ESYT2: variants seen among roughly 807,000 people sequenced by gnomAD.
ESYT2 encodes the protein extended synaptotagmin 2.
Under a neutral mutation model 107.2 loss-of-function variants are expected in ESYT2, and 54 were observed. The observed-to-expected ratio is 0.50, with a 90% CI of 0.40 to 0.63. The LOEUF is 0.63. Ranked by LOEUF, ESYT2 falls within the 30% of genes least tolerant of loss-of-function variation. The pLI is 0.00. For missense variants in ESYT2, 1,020 were observed against 1,094.5 expected (o/e 0.93, Z 0.96); for synonymous variants, 491 against 434.1 (o/e 1.13, Z -1.63).
At chr7:158,758,905 C>A (rs1837861860) in intron 13 of ESYT2, among the ~76,000 whole-genome samples, 1 of 152,200 alleles carries the variant, frequency 6.6e-6, no homozygotes, top group Non-Finnish European at 1.5e-5. Flanking sequence ...ATGAACAATT[C>A]TGATACAAAC....
intron 1 of ESYT2, among the ~76,000 whole-genome samples, chr7:158,814,929 C>T (rs1472785891): frequency 1.3e-5 from 2 of 149,204 alleles, no homozygotes; most frequent in Non-Finnish European, 2.9e-5. Flanking sequence ...TCCTCCCCTA[C>T]TGCCATCAAG....
intron 10 of ESYT2, among the ~76,000 whole-genome samples, chr7:158,762,233 C>T (rs747873565): frequency 6.6e-6 from 1 of 152,146 alleles, no homozygotes; most frequent in African/African-American, 2.4e-5. Context: ...TCTATGTCTA[C>T]ACCGCCTTCT....
chr7:158,787,130 G>A (rs1839140427), intron 6 of ESYT2, among the ~76,000 whole-genome samples: 1 of 152,156 alleles, frequency 6.6e-6, no homozygotes, highest in Non-Finnish European at 1.5e-5. Flanking sequence ...GGCTGCAGGA[G>A]CCCAGGGAAG....
chr7:158,770,755 T>G (rs905407398), intron 7 of ESYT2, among the ~76,000 whole-genome samples: 3 of 152,118 alleles, frequency 2.0e-5, no homozygotes, highest in African/African-American at 7.2e-5. Context: ...GACCTCATGA[T>G]CCACCTGCCT....
At chr7:158,797,638 G>A (rs1440093110) in intron 3 of ESYT2, among the ~76,000 whole-genome samples, 3 of 152,098 alleles carry the variant, frequency 2.0e-5, no homozygotes, top group Non-Finnish European at 4.4e-5. Flanking sequence ...GGCAGATCAT[G>A]AGGTCAGGAG....
intron 16 of ESYT2, among the ~76,000 whole-genome samples, chr7:158,746,182 A>T (rs763268772): frequency 2.6e-5 from 4 of 151,908 alleles, no homozygotes; most frequent in Non-Finnish European, 4.4e-5. Context: ...GGAGTTCGAG[A>T]CCAGCCTGGG....
Position 158,740,953 on chromosome 7 carries a change from A to C in ESYT2, c.2168+570T>G, listed in dbSNP as rs568667605. Among the ~76,000 whole-genome samples, 102 of 152,302 alleles carry C rather than the reference A, an allele frequency of 6.7e-4. 1 individual carries two copies. The highest frequency in any genetic ancestry group is 2.3e-3 in the African/African-American group (96 of 41,566). On this transcript the variant is annotated intron_variant, in intron 18 of 22. Coordinates refer to ENST00000275418, the MANE Select transcript of ESYT2 (RefSeq NM_001367773.1). Reference sequence around the variant, plus strand: ...ATTTTGTTTCTTCCACCAAGAGGAAAAGGTTAACATCTGAAGCTTGTGATA... The same window carrying C: ...ATTTTGTTTCTTCCACCAAGAGGAACAGGTTAACATCTGAAGCTTGTGATA...
At chr7:158,789,240 A>G (rs1471551247) in intron 4 of ESYT2, among the ~76,000 whole-genome samples, 1 of 152,224 alleles carries the variant, frequency 6.6e-6, no homozygotes, top group Non-Finnish European at 1.5e-5. Context: ...GTTAAAGCCA[A>G]TACCTACAGA....
rs72493831 is a variant in ESYT2, at chr7:158,796,239, CTG to C, written c.507+1701_507+1702del. ...GCATATAAAACAATGTTACCTTGGACTGTTGCTACTTAAACACTGATTTAAAA... is the reference window on the plus strand; with the variant it reads ...GCATATAAAACAATGTTACCTTGGACTTGCTACTTAAACACTGATTTAAAA... On this transcript the variant is annotated intron_variant, in intron 3 of 22. Transcript: ENST00000275418. 1.7e-3 allele frequency among the ~76,000 whole-genome samples: 264 copies of C among 152,318 alleles called. 1 individual carries two copies. Among genetic ancestry groups the C allele is most frequent in the Middle Eastern group, 0.01 (3 of 294 alleles).
At chr7:158,754,828 T>C (rs1290966630) in intron 13 of ESYT2, among the ~76,000 whole-genome samples, 1 of 152,192 alleles carries the variant, frequency 6.6e-6, no homozygotes, top group Non-Finnish European at 1.5e-5. Flanking sequence ...GTCTGTGTCA[T>C]CTGGGTTCTT....
intron 20 of ESYT2, among the ~76,000 whole-genome samples, chr7:158,736,034 G>A (rs1266035190): frequency 1.3e-5 from 2 of 152,204 alleles, no homozygotes; most frequent in Non-Finnish European, 2.9e-5. Context: ...AAAAAAGTAT[G>A]TGCTTGCAGC....
intron 7 of ESYT2, 148 bp from the exon 8 acceptor site, chr7:158,767,922 C>T: frequency 1.2e-6 from 1 of 845,308 alleles, no homozygotes; most frequent in East Asian, 3.1e-5. Context: ...GCAATATTTA[C>T]AACCTGCATT....
intron 1 of ESYT2, among the ~76,000 whole-genome samples, chr7:158,826,326 C>A (rs1376161920): frequency 6.6e-6 from 1 of 152,112 alleles, no homozygotes; most frequent in Non-Finnish European, 1.5e-5. Context: ...CTTCAAGAAG[C>A]GTCTTAAGCA....
intron 7 of ESYT2, among the ~76,000 whole-genome samples, chr7:158,771,927 T>C (rs1327621804): frequency 6.6e-6 from 1 of 152,096 alleles, no homozygotes; most frequent in South Asian, 2.1e-4. Context: ...AAGACCAGCC[T>C]GGCCAACATG....
chr7:158,734,911 TTA>T (rs1836870372), intron 21 of ESYT2, among the ~76,000 whole-genome samples: 1 of 152,246 alleles, frequency 6.6e-6, no homozygotes, highest in Non-Finnish European at 1.5e-5. Context: ...CTGAAGGCTC[TTA>T]CTTTTTCAAT....
intron 3 of ESYT2, among the ~76,000 whole-genome samples, 194 bp downstream of exon 3, chr7:158,797,748 G>A (rs1481214041): frequency 6.6e-6 from 1 of 152,020 alleles, no homozygotes; most frequent in East Asian, 1.9e-4. Flanking sequence ...CAGCTACTCG[G>A]GAGGCTGAGG....
intron 4 of ESYT2, among the ~76,000 whole-genome samples, chr7:158,793,295 G>A (rs996831813): frequency 6.6e-6 from 1 of 152,120 alleles, no homozygotes; most frequent in Non-Finnish European, 1.5e-5. Flanking sequence ...TGCATTCTGG[G>A]AATAAATCCT....
rs1838024525 is a variant in ESYT2 at position 158,762,954 on chromosome 7, G to A, written c.1184+129C>T. On this transcript the variant is annotated intron_variant, in intron 10 of 22. Transcript: ENST00000275418. ...TTAAGAAATCCAAGGTGAAACAATTGTTATATCTAAGAACCATTTAATGAA... is the reference window on the plus strand; with the variant it reads ...TTAAGAAATCCAAGGTGAAACAATTATTATATCTAAGAACCATTTAATGAA... 21 of 563,832 alleles carry A rather than the reference G, an allele frequency of 3.7e-5. 1 individual carries two copies. The South Asian group carries it at 5.2e-4, about 14-fold the overall frequency. 34.9% of individuals were successfully genotyped at this position (563,832 alleles called of 1,614,324 possible).
chr7:158,777,065 G>A (rs1838594924), intron 6 of ESYT2, among the ~76,000 whole-genome samples: 1 of 150,796 alleles, frequency 6.6e-6, no homozygotes, highest in African/African-American at 2.4e-5. Flanking sequence ...TTTTCACTAT[G>A]TTGACCACGC....
Sources: gnomAD v4.1 joint callset for allele counts (sites outside exome capture counted in the v4.1 genomes callset) on GRCh38, gnomAD v4.1.1 for gene constraint, MANE v1.5 for transcripts, NCBI Gene and HGNC (gene_info 2026-07-23, HGNC 2026-07-21) for gene names.